VWA8: variants seen among roughly 807,000 people sequenced by gnomAD.
VWA8 encodes von Willebrand factor A domain containing 8, also known as von Willebrand factor A domain-containing protein 8.
VWA8 carries 221 observed loss-of-function variants against 241.5 expected under a neutral mutation model. The observed-to-expected ratio is 0.91, with a 90% CI of 0.82 to 1.02. The LOEUF (loss-of-function observed/expected upper bound fraction) is 1.02, where lower values mean the gene tolerates loss of function less well. Among genes scored for constraint, VWA8 ranks in the 50% least tolerant of loss-of-function variants. The pLI, the probability that VWA8 is intolerant of heterozygous loss-of-function variation, is 0.00. For missense variants in VWA8, 2,322 were observed against 2,328.7 expected, an observed-to-expected ratio of 1.00 and a Z score of 0.06; for synonymous variants, 852 against 827.1, an observed-to-expected ratio of 1.03 and a Z score of -0.52.
Position 41,656,115 on chromosome 13 carries a change from C to A in VWA8, c.4611+14831G>T, listed in dbSNP as rs151009924. Among the ~76,000 whole-genome samples, 1,182 of 152,278 alleles carry A rather than the reference C, an allele frequency of 7.8e-3. 7 individuals carry two copies. Among genetic ancestry groups the A allele is most frequent in the Non-Finnish European group, 0.013 (909 of 68,012 alleles). ...ATTGTTGAGAGTAACCCGAAGCAGA[C>A]TGGAACACATGAACTTGTTTCCGAT... is the stretch of plus-strand genomic sequence containing the variant. On this transcript the variant is annotated intron_variant, in intron 37 of 44. Transcript: ENST00000379310.
intron 37 of VWA8, among the ~76,000 whole-genome samples, chr13:41,637,593 TA>T (rs34922565): frequency 0.032 from 4,920 of 151,754 alleles, 91 homozygotes; most frequent in South Asian, 0.078. Flanking sequence ...AAATAAATAA[TA>T]AAAAAAGAAC....
chr13:41,601,580 T>C (rs538378638), intron 40 of VWA8, among the ~76,000 whole-genome samples: 1 of 152,244 alleles, frequency 6.6e-6, no homozygotes, highest in South Asian at 2.1e-4. Context: ...TTTGTAAGAA[T>C]GGATGTTTTC....
rs1055734773 is a variant in VWA8 at position 41,927,277 on chromosome 13, A to C, written c.242-15109T>G. On this transcript the variant is annotated intron_variant, in intron 2 of 44. Transcript: ENST00000379310. The stretch of plus-strand genomic sequence containing the variant: ...CAAGGAAGTACTTCTATTTCCTGCT[A>C]TAAAACCCAAAGACAAGGAGAATGT... 57 of 510,814 alleles carry C rather than the reference A, an allele frequency of 1.1e-4. No individual in the cohort carries two copies. The Admixed American group carries it at 1.1e-3, about 10-fold the overall frequency. 31.6% of individuals were successfully genotyped at this position (510,814 alleles called of 1,614,324 possible). A position where few individuals can be genotyped will look rare whatever the true frequency, so the allele number is the denominator to read the frequency against.
intron 18 of VWA8, among the ~76,000 whole-genome samples, chr13:41,784,123 A>G (rs1869028849): frequency 6.6e-6 from 1 of 152,034 alleles, no homozygotes; most frequent in Non-Finnish European, 1.5e-5. Context: ...AGAAAACAGT[A>G]TATATATAAT....
At chr13:41,749,951 C>T (rs890572911) in intron 21 of VWA8, among the ~76,000 whole-genome samples, 2 of 151,666 alleles carry the variant, frequency 1.3e-5, no homozygotes, top group African/African-American at 4.8e-5. Flanking sequence ...TGCAGCACAC[C>T]AACATGGCAC....
intron 7 of VWA8, among the ~76,000 whole-genome samples, 154 bp from the exon 8 acceptor site, chr13:41,886,182 T>TA (rs1874525547): frequency 6.6e-6 from 1 of 152,184 alleles, no homozygotes; most frequent in South Asian, 2.1e-4. Flanking sequence ...ATATCCTACT[T>TA]AAAACTCAGA....
At chr13:41,657,108 G>T (rs776940234) in intron 37 of VWA8, among the ~76,000 whole-genome samples, 1 of 152,154 alleles carries the variant, frequency 6.6e-6, no homozygotes, top group African/African-American at 2.4e-5. Context: ...GACTTCTGCT[G>T]AAATTACACG....
intron 44 of VWA8, 81 bp downstream of exon 44, chr13:41,570,387 T>C: frequency 7.7e-7 from 1 of 1,293,686 alleles, no homozygotes; most frequent in East Asian, 2.3e-5. Flanking sequence ...TCCCTCATGG[T>C]GCTAAGCCTA....
At chr13:41,649,519 TA>T (rs1403136332) in intron 37 of VWA8, among the ~76,000 whole-genome samples, 1 of 151,666 alleles carries the variant, frequency 6.6e-6, no homozygotes, top group African/African-American at 2.4e-5. Context: ...TCTGGTGAGG[TA>T]GTTTTACTTC....
chr13:41,573,125 A>AC (rs2044321093), intron 43 of VWA8, among the ~76,000 whole-genome samples: 1 of 150,460 alleles, frequency 6.6e-6, no homozygotes, highest in Middle Eastern at 3.2e-3. Flanking sequence ...AAAAAAAAAA[A>AC]AAGAAACAAG....
At chr13:41,773,201 A>C (rs1461917088) in intron 20 of VWA8, among the ~76,000 whole-genome samples, 1 of 152,218 alleles carries the variant, frequency 6.6e-6, no homozygotes, top group African/African-American at 2.4e-5. Flanking sequence ...TTGACTGAAA[A>C]CACCAGTGAC....
chr13:41,784,737 C>CACATATATATATAT (rs1191810226), intron 18 of VWA8, among the ~76,000 whole-genome samples: 17 of 72,568 alleles, frequency 2.3e-4, no homozygotes, highest in African/African-American at 4.5e-4. Context: ...TATACACACA[C>CACATATATATATAT]ATATATATAT....
intron 12 of VWA8, among the ~76,000 whole-genome samples, chr13:41,838,857 T>C (rs1360399902): frequency 1.3e-5 from 2 of 152,152 alleles, no homozygotes; most frequent in African/African-American, 4.8e-5. Flanking sequence ...GAGTATTCCA[T>C]GGTGTTTTTG....
chr13:41,693,012 C>CT (rs71706492), intron 29 of VWA8, 40 bp from the exon 30 acceptor site: 44,398 of 1,081,076 alleles, frequency 0.041, 93 homozygotes, highest in African/African-American at 0.077. Context: ...AAGATTTGTT[C>CT]TTTTTTTTTT....
intron 2 of VWA8, among the ~76,000 whole-genome samples, chr13:41,943,974 G>A (rs1213429099): frequency 5.3e-5 from 8 of 151,880 alleles, no homozygotes; most frequent in Non-Finnish European, 1.5e-5. Flanking sequence ...GCAATGTGGC[G>A]TGAGCCTGTA....
At chr13:41,919,779 C>A (rs972186281) in intron 2 of VWA8, among the ~76,000 whole-genome samples, 5 of 152,068 alleles carry the variant, frequency 3.3e-5, no homozygotes, top group Non-Finnish European at 5.9e-5. Flanking sequence ...TCCAGCACAC[C>A]AGAGAAGATG....
intron 43 of VWA8, among the ~76,000 whole-genome samples, chr13:41,573,562 GTATA>G (rs1168743361): frequency 7.8e-6 from 1 of 128,082 alleles, no homozygotes; most frequent in Non-Finnish European, 1.6e-5. Flanking sequence ...ATATATACAC[GTATA>G]TATATGTATA....
chr13:41,926,332 G>A (rs773994579), intron 2 of VWA8: 12 of 587,552 alleles, frequency 2.0e-5, no homozygotes, highest in Non-Finnish European at 3.3e-5. Context: ...TTTATCATCT[G>A]CTCTAAGATC....
intron 17 of VWA8, among the ~76,000 whole-genome samples, chr13:41,791,815 A>G (rs1032656512): frequency 2.6e-5 from 4 of 151,816 alleles, no homozygotes; most frequent in African/African-American, 9.7e-5. Context: ...GCTGTTTCCA[A>G]TTCTTCATTA....
Sources: allele counts gnomAD v4.1 joint callset (sites outside exome capture counted in the v4.1 genomes callset), GRCh38; gene constraint gnomAD v4.1.1; transcripts MANE v1.5; gene names NCBI Gene and HGNC (gene_info 2026-07-23, HGNC 2026-07-21).